FOXN3: variants seen among roughly 807,000 people sequenced by gnomAD.
FOXN3 encodes forkhead box N3, also known as forkhead box protein N3.
Under a neutral mutation model 38.4 loss-of-function variants are expected in FOXN3, and 7 were observed. The ratio of observed to expected loss-of-function variants is 0.18; its 90% CI spans 0.10 to 0.34. The LOEUF is 0.34. FOXN3 is among the 10% of genes least tolerant of loss of function. The pLI is 1.00. For synonymous variants in FOXN3, 230 were observed against 242.2 expected, an observed-to-expected ratio of 0.95 and a Z score of 0.47; for missense variants, 456 against 613.4, an observed-to-expected ratio of 0.74 and a Z score of 2.71.
intron 3 of FOXN3, among the ~76,000 whole-genome samples, chr14:89,328,604 C>T (rs534424888): frequency 5.3e-5 from 8 of 152,122 alleles, no homozygotes; most frequent in Non-Finnish European, 8.8e-5. Context: ...GACATTCCCA[C>T]CAGCAGCACT....
chr14:89,202,786 T>TC (rs1472192126), intron 4 of FOXN3, among the ~76,000 whole-genome samples: 1 of 152,194 alleles, frequency 6.6e-6, no homozygotes, highest in Admixed American at 6.5e-5. Flanking sequence ...GTCTCAGATC[T>TC]CCATCAGAAG....
intron 1 of FOXN3, among the ~76,000 whole-genome samples, chr14:89,441,753 A>AG (rs919150590): frequency 1.3e-5 from 2 of 152,046 alleles, no homozygotes; most frequent in African/African-American, 4.8e-5. Context: ...GAAAGGAGGG[A>AG]GGGGGGTGGA....
chr14:89,591,529 C>T (rs1316441589), intron 1 of FOXN3, among the ~76,000 whole-genome samples: 1 of 152,178 alleles, frequency 6.6e-6, no homozygotes, highest in Non-Finnish European at 1.5e-5. Flanking sequence ...CACACAGTAT[C>T]CAATAAGCTC....
At chr14:89,288,670 T>TTCTCTC (rs1202531466) in intron 3 of FOXN3, among the ~76,000 whole-genome samples, 14 of 54,144 alleles carry the variant, frequency 2.6e-4, no homozygotes, top group African/African-American at 5.5e-4. Context: ...GGCACTCTCT[T>TTCTCTC]TCTCTCTCTC....
intron 4 of FOXN3, among the ~76,000 whole-genome samples, chr14:89,195,336 C>T: frequency 6.6e-6 from 1 of 152,198 alleles, no homozygotes; most frequent in East Asian, 1.9e-4. Context: ...AGGTGATGTG[C>T]TACTTCTCAT....
chr14:89,281,933 T>C (rs1886475975), intron 3 of FOXN3, among the ~76,000 whole-genome samples: 1 of 152,018 alleles, frequency 6.6e-6, no homozygotes, highest in Admixed American at 6.6e-5. Context: ...ATGAGAAAAA[T>C]AGGTTCGAGT....
At chr14:89,289,188 A>AG (rs1886777526) in intron 3 of FOXN3, among the ~76,000 whole-genome samples, 2 of 67,966 alleles carry the variant, frequency 2.9e-5, no homozygotes, top group African/African-American at 1.0e-4. Flanking sequence ...TCTCAAAAAA[A>AG]AAAAAAAAAG....
Position 89,180,733 on chromosome 14 carries a change from T to G in FOXN3, c.819A>C (p.Pro273=), listed in dbSNP as rs779123104. The G allele has an allele frequency of 3.1e-6, 5 of 1,611,726 alleles. No individual in the cohort carries two copies. Among genetic ancestry groups the G allele is most frequent in the Non-Finnish European group, 4.2e-6 (5 of 1,179,092 alleles). ...RGLFPGVRPL[P]ITPIGVTAAM... is the part of the protein sequence containing the mutation. ...CCGCTGTCACCCCAATGGGAGTGAT[T>G]GGCAGCGGCCGCACGCCAGGAAACA... The change falls in exon 5 of 6, where the codon CCA becomes CCC. Residue 273 remains proline, a synonymous_variant. Transcript: ENST00000557258.
chr14:89,576,527 C>T (rs1895622657), intron 1 of FOXN3: 1 of 111,336 alleles, frequency 9.0e-6, no homozygotes, highest in African/African-American at 3.3e-5. Flanking sequence ...GTCAGAAATG[C>T]TGTTACCTAC....
rs575013375 is a variant in FOXN3, at chr14:89,180,439, C to T, written c.851+262G>A. Among the ~76,000 whole-genome samples, 3 of 152,254 alleles carry T rather than the reference C, an allele frequency of 2.0e-5. No homozygotes were observed. The South Asian group carries it at 6.2e-4, about 32-fold the overall frequency. On this transcript the variant is annotated intron_variant, in intron 5 of 5. Coordinates refer to ENST00000557258, the MANE Select transcript of FOXN3 (RefSeq NM_005197.4). The stretch of plus-strand genomic sequence containing the variant: ...TTTCTTCTGCCCACCTCTTACCCTG[C>T]CTTCTTAGAATAAAAAACTTAACTT...
intron 4 of FOXN3, among the ~76,000 whole-genome samples, chr14:89,237,234 C>A (rs1237681016): frequency 6.6e-6 from 1 of 152,128 alleles, no homozygotes; most frequent in African/African-American, 2.4e-5. Context: ...CATGGAGATA[C>A]CCCTTCAACA....
intron 2 of FOXN3, among the ~76,000 whole-genome samples, chr14:89,372,922 C>T (rs1039258327): frequency 2.0e-5 from 3 of 152,134 alleles, no homozygotes; most frequent in African/African-American, 7.2e-5. Context: ...GTAATTCCAG[C>T]GCTTAGGCCA....
At chr14:89,513,757 G>C (rs1894144095) in intron 1 of FOXN3, among the ~76,000 whole-genome samples, 1 of 151,960 alleles carries the variant, frequency 6.6e-6, no homozygotes, top group African/African-American at 2.4e-5. Flanking sequence ...ACCACATCCG[G>C]CTGATTTTTT....
chr14:89,412,484 A>C lies in FOXN3; in HGVS notation c.-8T>G, dbSNP rs1891569240. ...AGGCATGACTGGACCCATTTACGTG[A>C]AGGCTCCTAGTAAAGACATCACAAA... On this transcript the variant is annotated 5_prime_UTR_variant, in exon 2 of 6. Transcript: ENST00000557258. This position sits in a 1 kb window ranked among gnomAD's most constrained non-coding sequence, Gnocchi z 4.7. 1 of 1,588,430 alleles carries C rather than the reference A, an allele frequency of 6.3e-7. No homozygotes were observed. The highest frequency in any genetic ancestry group is 8.6e-7 in the Non-Finnish European group (1 of 1,165,850).
In FOXN3 at chr14:89,606,472, A is replaced by G. The variant is rs191111628; in HGVS notation, c.-15+12556T>C. ...GCCAGCAAAAAAGAAAAAAAAATTG[A>G]TAAGAAAAGAGAATTATAGGACTTC... On this transcript the variant is annotated intron_variant, in intron 1 of 6. Coordinates refer to the FOXN3 transcript ENST00000345097. Among the ~76,000 whole-genome samples, 50 of 152,346 alleles carry G rather than the reference A, an allele frequency of 3.3e-4. No homozygotes were observed. The East Asian group carries it at 9.1e-3, about 28-fold the overall frequency.
At chr14:89,371,482 G>A (rs1200502786) in intron 2 of FOXN3, among the ~76,000 whole-genome samples, 2 of 152,076 alleles carry the variant, frequency 1.3e-5, no homozygotes, top group African/African-American at 4.8e-5. Context: ...CATCTTGTGT[G>A]CCCGGCATTA....
At chr14:89,188,579 A>G (rs1596089207) in intron 4 of FOXN3, among the ~76,000 whole-genome samples, 1 of 152,332 alleles carries the variant, frequency 6.6e-6, no homozygotes, top group East Asian at 1.9e-4. Context: ...CTGGCCCCAT[A>G]TAGCCTCTTC....
intron 1 of FOXN3, among the ~76,000 whole-genome samples, chr14:89,525,969 A>C (rs1894424671): frequency 6.6e-6 from 1 of 152,148 alleles, no homozygotes; most frequent in Non-Finnish European, 1.5e-5. Context: ...TAACATTAGA[A>C]AGATCAATCA....
At chr14:89,519,720 C>T (rs374470080) in intron 1 of FOXN3, among the ~76,000 whole-genome samples, 1 of 152,236 alleles carries the variant, frequency 6.6e-6, no homozygotes, top group East Asian at 1.9e-4. Context: ...GACAGTAATG[C>T]CTTCAGGCTG....
Sources: allele counts gnomAD v4.1 joint callset (sites outside exome capture counted in the v4.1 genomes callset), GRCh38; gene constraint gnomAD v4.1.1; non-coding constraint Gnocchi (gnomAD v3.1); transcripts MANE v1.5; gene names NCBI Gene and HGNC (gene_info 2026-07-23, HGNC 2026-07-21).